Variants in CA10 observed in about 807,000 individuals in gnomAD.
CA10 encodes carbonic anhydrase 10 (inactive).
A neutral mutation model predicts 44.2 loss-of-function variants in CA10; 14 were observed. That is an observed-to-expected ratio of 0.32 (90% confidence interval 0.21 to 0.50). CA10 has a LOEUF of 0.50. CA10 is among the 20% of genes least tolerant of loss of function. CA10 has a pLI of 0.99. For missense variants in CA10, 350 were observed against 409.7 expected (o/e 0.85, Z 1.26); for synonymous variants, 159 against 141.6 (o/e 1.12, Z -0.87).
chr17:51,672,368 A>G (rs1047710751), intron 4 of CA10, among the ~76,000 whole-genome samples: 4 of 152,192 alleles, frequency 2.6e-5, no homozygotes, highest in African/African-American at 9.6e-5. Context: ...CTGGGTTGGG[A>G]TCAGCTGCCC....
chr17:51,746,842 C>A (rs2143603717), intron 4 of CA10, among the ~76,000 whole-genome samples: 1 of 152,300 alleles, frequency 6.6e-6, no homozygotes, highest in African/African-American at 2.4e-5. Flanking sequence ...AATAAAAACA[C>A]CACATGCAAT....
chr17:51,919,457 C>T (rs745684832), intron 3 of CA10, among the ~76,000 whole-genome samples: 2 of 152,120 alleles, frequency 1.3e-5, no homozygotes, highest in African/African-American at 2.4e-5. Context: ...AATGTAAAAC[C>T]ATTTGTCTCA....
chr17:51,866,940 C>A (rs1216538459), intron 3 of CA10, among the ~76,000 whole-genome samples: 1 of 152,046 alleles, frequency 6.6e-6, no homozygotes, highest in Admixed American at 6.6e-5. Flanking sequence ...GAAATAGTCT[C>A]CTTAATTCAG....
At chr17:51,638,843 A>T (rs942171329) in intron 6 of CA10, among the ~76,000 whole-genome samples, 7 of 152,188 alleles carry the variant, frequency 4.6e-5, no homozygotes, top group Non-Finnish European at 1.0e-4. Flanking sequence ...ATCAGTTTGT[A>T]GCTGGGAATC....
At chr17:51,679,262 C>CCCT (rs1555583538) in intron 4 of CA10, among the ~76,000 whole-genome samples, 4 of 123,078 alleles carry the variant, frequency 3.2e-5, no homozygotes, top group African/African-American at 1.3e-4. Flanking sequence ...GTTTTTCTTT[C>CCCT]TCTTTTTTTT....
intron 8 of CA10, among the ~76,000 whole-genome samples, chr17:51,633,174 C>CAT (rs767486759): frequency 1.7e-4 from 26 of 152,034 alleles, no homozygotes; most frequent in African/African-American, 4.3e-4. Flanking sequence ...TTAAAGGTTA[C>CAT]ATATATATAT....
At chr17:52,038,208 A>G (rs1024128046) in intron 2 of CA10, among the ~76,000 whole-genome samples, 1 of 152,208 alleles carries the variant, frequency 6.6e-6, no homozygotes, top group Non-Finnish European at 1.5e-5. Flanking sequence ...AGTGGGATAC[A>G]GAGAACTGAA....
intron 1 of CA10, among the ~76,000 whole-genome samples, chr17:52,150,836 A>G (rs1989687939): frequency 6.6e-6 from 1 of 152,160 alleles, no homozygotes; most frequent in South Asian, 2.1e-4. Flanking sequence ...TTATTATTCA[A>G]GTACAAAATT....
chr17:51,656,622 A>G (rs1913802932), intron 4 of CA10, among the ~76,000 whole-genome samples: 1 of 152,222 alleles, frequency 6.6e-6, no homozygotes, highest in Non-Finnish European at 1.5e-5. Flanking sequence ...ATGAGTTTTG[A>G]GCATTTTCTT....
intron 1 of CA10, 80 bp from the exon 2 acceptor site, chr17:52,072,473 A>C (rs1269693798): frequency 6.0e-6 from 6 of 999,844 alleles, no homozygotes; most frequent in Admixed American, 1.9e-5. Context: ...AGAAGGGTGA[A>C]TATCCATAAA....
At chr17:52,094,318 C>CA (rs57349663) in intron 1 of CA10, among the ~76,000 whole-genome samples, 85,186 of 144,316 alleles carry the variant, frequency 0.59, 25,210 homozygotes, top group African/African-American at 0.73. Flanking sequence ...ATGTATAAAG[C>CA]AAAAAAAAAA....
At chr17:51,755,765 T>C (rs1905057009) in intron 3 of CA10, among the ~76,000 whole-genome samples, 1 of 152,142 alleles carries the variant, frequency 6.6e-6, no homozygotes, top group African/African-American at 2.4e-5. Context: ...GAAAACCAGG[T>C]ACAGGTCGGC....
intron 6 of CA10, among the ~76,000 whole-genome samples, chr17:51,648,506 T>C (rs1038436170): frequency 3.3e-5 from 5 of 152,210 alleles, no homozygotes; most frequent in Non-Finnish European, 7.3e-5. Context: ...CTCATATTAT[T>C]TCTTTCATCT....
Position 51,786,207 on chromosome 17 carries a change from T to G in CA10, c.280-38389A>C, listed in dbSNP as rs1227758635. Among the ~76,000 whole-genome samples, 3 of 77,876 alleles carry G rather than the reference T, an allele frequency of 3.9e-5. No individual in the cohort carries two copies. In the Admixed American group the frequency reaches 4.8e-4, roughly 13 times the overall value. The allele number at this position is 77,876 out of a possible 152,430, so 51.1% of individuals were successfully genotyped here. The stretch of plus-strand genomic sequence containing the variant: ...ATTTTTTAATGCGTTCTAACATCTT[T>G]GTGTGTCTGTGTGTGTGTGTGTGTG... On this transcript the variant is annotated intron_variant, in intron 3 of 8. Coordinates refer to ENST00000451037, the MANE Select transcript of CA10 (RefSeq NM_020178.5).
intron 2 of CA10, among the ~76,000 whole-genome samples, chr17:52,009,688 A>G (rs1454208408): frequency 6.6e-6 from 1 of 152,084 alleles, no homozygotes; most frequent in Non-Finnish European, 1.5e-5. Flanking sequence ...GATAAAAATT[A>G]TGATTCAAAA....
chr17:51,724,899 G>C (rs925615464), intron 4 of CA10, among the ~76,000 whole-genome samples: 2 of 152,164 alleles, frequency 1.3e-5, no homozygotes, highest in African/African-American at 4.8e-5. Context: ...AAGATAAAGG[G>C]CATAGTAATA....
chr17:51,661,106 T>C (rs1241099375), intron 4 of CA10, among the ~76,000 whole-genome samples: 1 of 152,122 alleles, frequency 6.6e-6, no homozygotes, highest in Non-Finnish European at 1.5e-5. Context: ...ACATTCGTTG[T>C]GTGACTGATG....
intron 6 of CA10, among the ~76,000 whole-genome samples, chr17:51,638,712 C>T (rs968566175): frequency 4.6e-5 from 7 of 152,176 alleles, no homozygotes; most frequent in Non-Finnish European, 1.5e-5. Context: ...GAGACAATGA[C>T]ATAAATCTGC....
intron 3 of CA10, among the ~76,000 whole-genome samples, chr17:51,825,230 A>C (rs145560881): frequency 1.6e-4 from 25 of 152,376 alleles, no homozygotes; most frequent in Admixed American, 9.8e-4. Context: ...AAGAATGCAT[A>C]AAACTGCTGA....
Sources: gnomAD v4.1 joint callset for allele counts (sites outside exome capture counted in the v4.1 genomes callset) on GRCh38, gnomAD v4.1.1 for gene constraint, MANE v1.5 for transcripts, NCBI Gene and HGNC (gene_info 2026-07-23, HGNC 2026-07-21) for gene names.